The following NR5A2 variants were observed in gnomAD, a reference collection of about 807,000 sequenced individuals.
The protein encoded by NR5A2 is CYP7A promoter-binding factor.
In NR5A2, 26 loss-of-function variants were observed where a neutral mutation model predicts 62.7. The ratio of observed to expected loss-of-function variants is 0.41; its 90% CI spans 0.30 to 0.58. The LOEUF is 0.58. Among genes scored for constraint, NR5A2 ranks in the 20% least tolerant of loss-of-function variants. The pLI is 0.22. For missense variants in NR5A2, 541 were observed against 669.1 expected, an observed-to-expected ratio of 0.81 and a Z score of 2.11; for synonymous variants, 246 against 241.7, an observed-to-expected ratio of 1.02 and a Z score of -0.16.
At chr1:200,105,429 C>T (rs776451590) in intron 5 of NR5A2, among the ~76,000 whole-genome samples, 2 of 152,180 alleles carry the variant, frequency 1.3e-5, no homozygotes, top group Admixed American at 6.5e-5. Flanking sequence ...CTCCCGTTTT[C>T]CTTGTGCATA....
intron 7 of NR5A2, among the ~76,000 whole-genome samples, chr1:200,144,189 A>C: frequency 7.0e-6 from 1 of 142,536 alleles, no homozygotes; most frequent in South Asian, 2.2e-4. Context: ...ACCAACCACC[A>C]CCGCCACCAT....
At chr1:200,173,936 C>CTTTTTT (rs3034024) in intron 7 of NR5A2, 27 bp from the exon 8 acceptor site, 3 of 1,237,588 alleles carry the variant, frequency 2.4e-6, no homozygotes, top group African/African-American at 3.4e-5. Context: ...TGAAATGTTG[C>CTTTTTT]TTTTTTTTTT....
intron 1 of NR5A2, chr1:200,029,128 A>C (rs1049879521): frequency 4.5e-6 from 2 of 440,154 alleles, no homozygotes; most frequent in Non-Finnish European, 9.1e-6. Context: ...GTGCGCAGGC[A>C]AGGAGTCCTT....
chr1:200,031,978 A>G (rs1177636880), intron 1 of NR5A2, among the ~76,000 whole-genome samples: 1 of 152,146 alleles, frequency 6.6e-6, no homozygotes, highest in East Asian at 1.9e-4. Context: ...CCTCTACCAG[A>G]CACAATGTCT....
At chr1:200,100,220 C>T (rs1665301206) in intron 5 of NR5A2, among the ~76,000 whole-genome samples, 1 of 152,196 alleles carries the variant, frequency 6.6e-6, no homozygotes, top group Non-Finnish European at 1.5e-5. Context: ...AAATATTTCT[C>T]ATTAATCTAC....
At chr1:200,035,899 A>G (rs916796122) in intron 1 of NR5A2, among the ~76,000 whole-genome samples, 6 of 152,278 alleles carry the variant, frequency 3.9e-5, no homozygotes, top group African/African-American at 1.2e-4. Context: ...CGCGCAAGGT[A>G]GTTGAGCAGA....
At chr1:200,071,705 T>C (rs1372962817) in intron 5 of NR5A2, among the ~76,000 whole-genome samples, 1 of 152,204 alleles carries the variant, frequency 6.6e-6, no homozygotes, top group Non-Finnish European at 1.5e-5. Context: ...CTATTTTAGA[T>C]TAAAAACCTA....
intron 2 of NR5A2, among the ~76,000 whole-genome samples, chr1:200,043,537 A>G (rs1662218659): frequency 6.6e-6 from 1 of 152,246 alleles, no homozygotes; most frequent in African/African-American, 2.4e-5. Context: ...TAAAATGTTA[A>G]CAAAAGAAGT....
At chr1:200,163,914 A>T (rs1653772610) in intron 7 of NR5A2, among the ~76,000 whole-genome samples, 1 of 151,802 alleles carries the variant, frequency 6.6e-6, no homozygotes, top group Non-Finnish European at 1.5e-5. Flanking sequence ...CCCAAATCTC[A>T]TGTCGAACTG....
At position 200,048,904 on chromosome 1, in the gene NR5A2, AAT is replaced by A. The variant is rs557488284; in HGVS notation, c.1110+89_1110+90del. 6.6e-4 allele frequency: 969 copies of A among 1,463,058 alleles called. 6 individuals are homozygous for A. In the African/African-American group the frequency reaches 0.01, roughly 15 times the overall value. 90.6% of individuals were successfully genotyped at this position (1,463,058 alleles called of 1,614,324 possible). ...TAATTAATACATTCTTGGTGCTGAA[AAT>A]ATGTGTTCCTTAATTTTCTACTTTG... On this transcript the variant is annotated intron_variant, in intron 5 of 7. Coordinates refer to ENST00000367362, the MANE Select transcript of NR5A2 (RefSeq NM_205860.3). This position sits in a 1 kb window ranked among gnomAD's most constrained non-coding sequence, Gnocchi z 4.8.
chr1:200,075,639 T>G (rs541009018), intron 5 of NR5A2, among the ~76,000 whole-genome samples: 1 of 152,222 alleles, frequency 6.6e-6, no homozygotes, highest in Admixed American at 6.5e-5. Context: ...CCGTTACCGT[T>G]GTAGCACAAG....
chr1:200,154,802 T>G (rs563827085), intron 7 of NR5A2, among the ~76,000 whole-genome samples: 1 of 152,332 alleles, frequency 6.6e-6, no homozygotes, highest in South Asian at 2.1e-4. Flanking sequence ...AAGCTGCTTG[T>G]TCACACACTA....
chr1:200,159,872 C>T (rs1167845108), intron 7 of NR5A2, among the ~76,000 whole-genome samples: 3 of 152,066 alleles, frequency 2.0e-5, no homozygotes, highest in Non-Finnish European at 4.4e-5. Flanking sequence ...AAGCTGGTCT[C>T]GAACTCCTGA....
chr1:200,028,865 A>G (rs1413629603), intron 1 of NR5A2, among the ~76,000 whole-genome samples: 1 of 152,190 alleles, frequency 6.6e-6, no homozygotes, highest in African/African-American at 2.4e-5. Flanking sequence ...CTTCCTAGTC[A>G]GCTGACTCCA....
intron 5 of NR5A2, chr1:200,057,757 G>C: frequency 4.4e-6 from 1 of 228,008 alleles, no homozygotes; most frequent in Non-Finnish European, 8.9e-6. Context: ...CTGGGATTAT[G>C]GGCATGAGCC....
chr1:200,066,127 AAG>A (rs576042162), intron 5 of NR5A2, among the ~76,000 whole-genome samples: 142 of 152,294 alleles, frequency 9.3e-4, no homozygotes, highest in African/African-American at 3.3e-3. Context: ...GAAGGGAAGC[AAG>A]AGAGTATACA....
At chr1:200,107,361 C>T (rs1339165976) in intron 5 of NR5A2, among the ~76,000 whole-genome samples, 6 of 151,494 alleles carry the variant, frequency 4.0e-5, no homozygotes, top group Non-Finnish European at 7.4e-5. Context: ...CTTCAGAATC[C>T]GTCCCTGCCC....
chr1:200,168,989 T>C (rs1348781333), intron 7 of NR5A2, among the ~76,000 whole-genome samples: 3 of 152,112 alleles, frequency 2.0e-5, no homozygotes, highest in African/African-American at 7.2e-5. Context: ...AAAGAAGTAT[T>C]TTCTATGTGC....
intron 7 of NR5A2, among the ~76,000 whole-genome samples, chr1:200,143,745 G>A (rs553704589): frequency 2.0e-5 from 3 of 150,546 alleles, no homozygotes; most frequent in Non-Finnish European, 4.4e-5. Flanking sequence ...GAGTTCAAGC[G>A]ATTCTCCTGT....
Sources: allele counts gnomAD v4.1 joint callset (sites outside exome capture counted in the v4.1 genomes callset), GRCh38; gene constraint gnomAD v4.1.1; non-coding constraint Gnocchi (gnomAD v3.1); transcripts MANE v1.5; gene names NCBI Gene and HGNC (gene_info 2026-07-23, HGNC 2026-07-21).